Variants in ZNF18 observed in about 807,000 individuals in gnomAD.
ZNF18 encodes the protein zinc finger protein 18, also known as heart development-specific gene 1 protein.
A neutral mutation model predicts 58.1 loss-of-function variants in ZNF18; 42 were observed. The ratio of observed to expected loss-of-function variants is 0.72; its 90% CI spans 0.56 to 0.93. ZNF18 has a LOEUF of 0.93. ZNF18 is among the 40% of genes least tolerant of loss of function. The pLI, the probability that ZNF18 is intolerant of heterozygous loss-of-function variation, is 0.00. For synonymous variants in ZNF18, 231 were observed against 239.8 expected (o/e 0.96, Z 0.34); for missense variants, 540 against 644.2 (o/e 0.84, Z 1.75).
At chr17:12,020,762 G>A in the ZNF18 span, 1 of 412,320 alleles carries the variant, frequency 2.4e-6, no homozygotes, top group Non-Finnish European at 4.0e-6. Flanking sequence ...CGTGTCAGGA[G>A]GCGTGTCCGG....
At chr17:12,021,191 G>A in the ZNF18 span, 4 of 340,190 alleles carry the variant, frequency 1.2e-5, no homozygotes, top group South Asian at 3.0e-4. Flanking sequence ...CCGGGCTCCG[G>A]CCCGCATAGG....
At chr17:12,015,480 T>C in the ZNF18 span, among the ~76,000 whole-genome samples, 42 of 152,352 alleles carry the variant, frequency 2.8e-4, no homozygotes, top group African/African-American at 1.0e-3. Context: ...TTCTAGCGAG[T>C]AATACAATTT....
chr17:11,977,524 T>G lies in ZNF18; in HGVS notation c.*433A>C, dbSNP rs1327248787. ...TCACCCCTATGACAAAGAACACACG[T>G]GAGCTCACAGGCCCTCTATGCTTCT... On this transcript the variant is annotated 3_prime_UTR_variant, in exon 7 of 7. Coordinates refer to ENST00000580306, the MANE Select transcript of ZNF18 (RefSeq NM_001303281.2). 2 of 159,790 alleles carry G rather than the reference T, an allele frequency of 1.3e-5. No individual in the cohort carries two copies. The highest frequency in any genetic ancestry group is 2.7e-5 in the Non-Finnish European group (2 of 73,060). The allele number at this position is 159,790 out of a possible 1,614,324, so 9.9% of individuals were successfully genotyped here. A position where few individuals can be genotyped will look rare whatever the true frequency, so the allele number is the denominator to read the frequency against.
At chr17:11,978,840 CTTTTTTTTT>C (rs56969015) in intron 6 of ZNF18, 96 bp from the exon 7 acceptor site, 41 of 120,554 alleles carry the variant, frequency 3.4e-4, no homozygotes, top group Admixed American at 1.7e-3. Flanking sequence ...CATTCATTTT[CTTTTTTTTT>C]TTTTTTTTTT....
At chr17:11,986,087 C>T (rs1967724093) in intron 4 of ZNF18, among the ~76,000 whole-genome samples, 1 of 152,196 alleles carries the variant, frequency 6.6e-6, no homozygotes, top group African/African-American at 2.4e-5. Context: ...CAGTTCTTTC[C>T]TGTGCTGTTC....
At chr17:11,979,651 A>G (rs886976904) in intron 6 of ZNF18, among the ~76,000 whole-genome samples, 1 of 152,204 alleles carries the variant, frequency 6.6e-6, no homozygotes, top group East Asian at 1.9e-4. Context: ...ATATAGATCT[A>G]AAGATGCCAT....
At chr17:12,020,868 C>G in the ZNF18 span, 1 of 1,138,852 alleles carries the variant, frequency 8.8e-7, no homozygotes, top group South Asian at 4.4e-5. Flanking sequence ...CGGCGCCGCT[C>G]GGCTCTTCAC....
chr17:11,983,168 T>C (rs929252304), intron 6 of ZNF18, 129 bp downstream of exon 6: 2 of 643,360 alleles, frequency 3.1e-6, no homozygotes, highest in Admixed American at 2.4e-5. Flanking sequence ...ACCAATCAGA[T>C]CATGGCTAGT....
chr17:11,978,570 G>A lies in ZNF18; in HGVS notation c.1037C>T (p.Ala346Val), dbSNP rs1967136757. 1 of 1,614,006 alleles carries A rather than the reference G, an allele frequency of 6.2e-7. No homozygotes were observed. Among genetic ancestry groups the A allele is most frequent in the Non-Finnish European group, 8.5e-7 (1 of 1,180,004 alleles). Residue 346 changes from alanine (A) to valine (V), a missense_variant, in exon 7 of 7, where the codon GCT (alanine) becomes GTT (valine). Physicochemically the swap from Ala to Val is moderately conservative, Grantham distance 64 (BLOSUM62 0). Transcript: ENST00000580306. ...TCCCTCATCCTGAATGTTTTGCAGA[G>A]CCTCAGGGAGATTCTCTCCTTCTCC... ...CFGEGENLPE[A>V]LQNIQDEGTG...
In ZNF18 at chr17:11,978,479, A is replaced by T; in HGVS notation, c.1128T>A (p.Asn376Lys). The T allele has an allele frequency of 6.3e-7, 1 of 1,597,700 alleles. No homozygotes were observed. Among genetic ancestry groups the T allele is most frequent in the Non-Finnish European group, 8.5e-7 (1 of 1,172,298 alleles). The stretch of plus-strand genomic sequence containing the variant: ...TGGTGGACATTTCTCCTGAATGAGG[A>T]TTAGGCAAATGCTGACCTAGTTGTT... ...SEKQLGQHLP[N>K]PHSGEMSTMW... The change falls in exon 7 of 7, where the codon AAT (asparagine) becomes AAA (lysine). Residue 376 changes from asparagine to lysine, a missense_variant. By Grantham distance (94) the Asn-to-Lys change is moderately conservative. Transcript: ENST00000580306.
In ZNF18 at chr17:11,992,846, T is replaced by C; in HGVS notation, c.-17A>G. ...AACGGGCATTGTCCAGCCTGGCAAG[T>C]CCTTTTAAGTAAAGTGCTTCTGCAG... On this transcript the variant is annotated 5_prime_UTR_variant, in exon 2 of 7. Coordinates refer to ENST00000580306, the MANE Select transcript of ZNF18 (RefSeq NM_001303281.2). 6.2e-7 allele frequency: 1 copy of C among 1,600,874 alleles called. No homozygotes were observed. Among genetic ancestry groups the C allele is most frequent in the Non-Finnish European group, 8.5e-7 (1 of 1,174,896 alleles).
chr17:11,983,666 G>A (rs1378356696), intron 5 of ZNF18, among the ~76,000 whole-genome samples: 2 of 152,156 alleles, frequency 1.3e-5, no homozygotes, highest in Admixed American at 1.3e-4. Flanking sequence ...GCAGGCTGGT[G>A]TGAGAATCAT....
At chr17:11,984,269 C>G in intron 4 of ZNF18, 72 bp from the exon 5 acceptor site, 1 of 1,441,406 alleles carries the variant, frequency 6.9e-7, no homozygotes, top group Non-Finnish European at 9.4e-7. Context: ...CCTTCCCTGC[C>G]TAAAGGAAAG....
At chr17:11,998,118 C>T (rs1303398364), upstream of ZNF18, among the ~76,000 whole-genome samples, 2 of 152,164 alleles carry the variant, frequency 1.3e-5, no homozygotes, top group Non-Finnish European at 2.9e-5. Context: ...CTTTCCCACA[C>T]GCCAACAATG....
intron 4 of ZNF18, among the ~76,000 whole-genome samples, chr17:11,985,872 T>G (rs755182218): frequency 3.3e-5 from 5 of 152,166 alleles, no homozygotes; most frequent in Non-Finnish European, 7.3e-5. Flanking sequence ...GCAAAGTGGA[T>G]AGACATGAAT....
chr17:12,010,024 T>C, the ZNF18 span, among the ~76,000 whole-genome samples: 1 of 152,216 alleles, frequency 6.6e-6, no homozygotes, highest in Admixed American at 6.5e-5. Flanking sequence ...GGCTTGGATA[T>C]AACAGACCAA....
At chr17:11,989,187 T>C (rs1567604618) in intron 4 of ZNF18, among the ~76,000 whole-genome samples, 1 of 151,116 alleles carries the variant, frequency 6.6e-6, no homozygotes, top group African/African-American at 2.4e-5. Flanking sequence ...TAGCCAAGCA[T>C]TGTGGCACAT....
At chr17:12,018,208 C>T in the ZNF18 span, among the ~76,000 whole-genome samples, 5 of 152,294 alleles carry the variant, frequency 3.3e-5, no homozygotes, top group South Asian at 8.3e-4. Context: ...ATTGCCTTCC[C>T]GTCTCCCCAG....
chr17:11,998,554 C>G (rs1015177333), upstream of ZNF18: 2 of 148,766 alleles, frequency 1.3e-5, no homozygotes, highest in Admixed American at 6.7e-5. Context: ...CTGTCATTAT[C>G]ATAACATGTC....
Sources: allele counts gnomAD v4.1 joint callset (sites outside exome capture counted in the v4.1 genomes callset), GRCh38; gene constraint gnomAD v4.1.1; transcripts MANE v1.5; gene names NCBI Gene and HGNC (gene_info 2026-07-23, HGNC 2026-07-21).